IL4R: variants seen among roughly 807,000 people sequenced by gnomAD.
The protein encoded by IL4R is interleukin 4 receptor, also known as interleukin-4 receptor subunit alpha.
In IL4R, 17 loss-of-function variants were observed where a neutral mutation model predicts 41.5. The observed-to-expected ratio is 0.41, with a 90% CI of 0.28 to 0.61. The LOEUF (loss-of-function observed/expected upper bound fraction) is 0.61. IL4R is among the 20% of genes least tolerant of loss of function. The probability of loss-of-function intolerance (pLI) is 0.31; values close to 1 mark genes in which losing one functional copy is unlikely to be tolerated. For missense variants in IL4R, 974 were observed against 1,043.1 expected (o/e 0.93, Z 0.91); for synonymous variants, 402 against 422.9 (o/e 0.95, Z 0.61).
intron 2 of IL4R, among the ~76,000 whole-genome samples, chr16:27,337,149 T>G (rs763104089): frequency 2.0e-5 from 3 of 151,740 alleles, no homozygotes; most frequent in Non-Finnish European, 2.9e-5. Context: ...GTGGCAGGCG[T>G]AGGATGCATG....
chr16:27,319,857 T>G (rs766533955), intron 1 of IL4R, among the ~76,000 whole-genome samples: 34 of 152,052 alleles, frequency 2.2e-4, no homozygotes, highest in Admixed American at 7.2e-4. Context: ...ATGTGAGGGA[T>G]CTGGGTTGCG....
chr16:27,314,657 T>C (rs2084581400), intron 1 of IL4R, among the ~76,000 whole-genome samples: 3 of 152,072 alleles, frequency 2.0e-5, no homozygotes, highest in Admixed American at 2.0e-4. Context: ...GCCGCCCACT[T>C]GGGAGTCCGT....
intron 1 of IL4R, among the ~76,000 whole-genome samples, chr16:27,325,540 C>T (rs1302553194): frequency 6.6e-6 from 1 of 151,444 alleles, no homozygotes; most frequent in East Asian, 1.9e-4. Context: ...CACCATTGCA[C>T]TCCAGCCTGG....
chr16:27,355,624 G>A (rs534085464), intron 7 of IL4R, 184 bp from the exon 8 acceptor site: 159 of 542,940 alleles, frequency 2.9e-4, no homozygotes, highest in African/African-American at 2.5e-3. Flanking sequence ...TGAGGTGGCC[G>A]GTGTGACGAG....
At chr16:27,336,860 C>A (rs1350241669) in intron 2 of IL4R, among the ~76,000 whole-genome samples, 2 of 151,920 alleles carry the variant, frequency 1.3e-5, no homozygotes, top group Non-Finnish European at 2.9e-5. Flanking sequence ...AGGCGGATCA[C>A]CTGGGGTCGG....
At chr16:27,332,396 G>C (rs534551149) in intron 2 of IL4R, among the ~76,000 whole-genome samples, 2 of 152,198 alleles carry the variant, frequency 1.3e-5, no homozygotes, top group African/African-American at 4.8e-5. Flanking sequence ...CTCACTCACT[G>C]TCACGAAAAC....
intron 1 of IL4R, among the ~76,000 whole-genome samples, chr16:27,317,906 TC>T (rs1203087491): frequency 6.6e-6 from 1 of 152,238 alleles, no homozygotes; most frequent in East Asian, 1.9e-4. Flanking sequence ...CTTCTGCGTA[TC>T]CAGCACCTGG....
At chr16:27,355,682 T>A (rs1466362117) in intron 7 of IL4R, 126 bp from the exon 8 acceptor site, 1 of 623,162 alleles carries the variant, frequency 1.6e-6, no homozygotes, top group African/African-American at 1.8e-5. Context: ...GGTGGAGGGG[T>A]GGTCGGCGGT....
intron 6 of IL4R, among the ~76,000 whole-genome samples, chr16:27,347,581 C>T (rs1466757586): frequency 1.3e-5 from 2 of 152,192 alleles, no homozygotes; most frequent in South Asian, 2.1e-4. Flanking sequence ...TGGCAGGGGC[C>T]GTCCACAGTG....
chr16:27,356,503 T>C (rs2086085385), intron 8 of IL4R, among the ~76,000 whole-genome samples: 1 of 152,080 alleles, frequency 6.6e-6, no homozygotes, highest in East Asian at 1.9e-4. Context: ...TAGACCAGGG[T>C]GCAGGCCAGA....
At chr16:27,342,422 A>G (rs1219553659) in intron 4 of IL4R, among the ~76,000 whole-genome samples, 163 bp downstream of exon 4, 14 of 152,038 alleles carry the variant, frequency 9.2e-5, no homozygotes, top group Admixed American at 9.2e-4. Context: ...GGGACATGTT[A>G]TGTAAGATAC....
chr16:27,363,877 A>G lies in IL4R; in HGVS notation c.*47A>G. ...AGTCTGCAGATGAGGACTAGGGCTT[A>G]TCCATGCCTGGGAAATGCCACCTCC... On this transcript the variant is annotated 3_prime_UTR_variant, in exon 11 of 11. Transcript: ENST00000395762. 6.5e-7 allele frequency: 1 copy of G among 1,533,196 alleles called. No individual in the cohort carries two copies. The highest frequency in any genetic ancestry group is 8.7e-7 in the Non-Finnish European group (1 of 1,147,106). The allele number at this position is 1,533,196 out of a possible 1,614,324, so 95.0% of individuals were successfully genotyped here.
chr16:27,356,084 CTTTTTTTTTTTTTTTTTT>C (rs36125482), intron 8 of IL4R, among the ~76,000 whole-genome samples, 177 bp downstream of exon 8: 2,910 of 113,868 alleles, frequency 0.026, 145 homozygotes, highest in African/African-American at 0.092. Context: ...CCACTTTTTT[CTTTTTTTTTTTTTTTTTT>C]TTTTTTTGAG....
intron 1 of IL4R, among the ~76,000 whole-genome samples, chr16:27,318,095 A>G (rs1257588467): frequency 6.6e-6 from 1 of 152,194 alleles, no homozygotes; most frequent in African/African-American, 2.4e-5. Context: ...ACGATTTCTG[A>G]AAACCGAAAG....
intron 1 of IL4R, among the ~76,000 whole-genome samples, chr16:27,321,586 CATG>C (rs1168366019): frequency 6.6e-6 from 1 of 152,208 alleles, no homozygotes; most frequent in Non-Finnish European, 1.5e-5. Flanking sequence ...CTAAAATCTC[CATG>C]TTTCTCTTCT....
chr16:27,362,976 G>C lies in IL4R; in HGVS notation c.1624G>C (p.Val542Leu), dbSNP rs1257672442. The change falls in exon 11 of 11, where the codon GTG (valine) becomes CTG (leucine). Residue 542 changes from valine (V) to leucine (L), a missense_variant. By Grantham distance (32) the Val-to-Leu change is conservative. Around this residue, in one of 3 missense-constraint regions of IL4R, gnomAD observed 682 missense variants for 704.3 expected, o/e 0.97. Coordinates refer to ENST00000395762, the MANE Select transcript of IL4R (RefSeq NM_000418.4). ...CVPQLSEPTT[V>L]PQPEPETWEQ... ...CCCCCAGCTCTCTGAGCCAACCACT[G>C]TGCCCCAACCTGAGCCAGAAACCTG... 6.2e-7 allele frequency: 1 copy of C among 1,614,116 alleles called. No homozygotes were observed. Among genetic ancestry groups the C allele is most frequent in the Non-Finnish European group, 8.5e-7 (1 of 1,180,022 alleles).
intron 8 of IL4R, among the ~76,000 whole-genome samples, chr16:27,358,620 T>A (rs2086177333): frequency 6.6e-6 from 1 of 152,198 alleles, no homozygotes; most frequent in Non-Finnish European, 1.5e-5. Context: ...AGGACATAGG[T>A]GGCCTCCTCA....
chr16:27,364,099 T>A lies in IL4R; in HGVS notation c.*269T>A. ...CCACGGCAGGCCCCTGCAGGAAAAC[T>A]GAGGCCCTTGGGCACCTCGACTTGT... On this transcript the variant is annotated 3_prime_UTR_variant, in exon 11 of 11. Coordinates refer to ENST00000395762, the MANE Select transcript of IL4R (RefSeq NM_000418.4). 2.3e-6 allele frequency: 1 copy of A among 433,350 alleles called. No homozygotes were observed. Among genetic ancestry groups the A allele is most frequent in the Non-Finnish European group, 4.1e-6 (1 of 242,750 alleles). 26.8% of individuals were successfully genotyped at this position (433,350 alleles called of 1,614,324 possible).
At position 27,360,813 on chromosome 16, in the gene IL4R, C is replaced by T; in HGVS notation, c.897C>T (p.Cys299=). 2.5e-6 allele frequency: 4 copies of T among 1,614,100 alleles called. 1 individual carries two copies. In the South Asian group the frequency reaches 3.3e-5, roughly 13 times the overall value. ...CCCGAGGCCAGGAACCAGCCAAGTG[C>T]CCGTATGTATCTGAACTTAGGTCAC... ...KRSRGQEPAK[C]PHWKNCLTKL... Residue 299 remains cysteine, a splice_region_variant and synonymous_variant, in exon 10 of 11, where the codon TGC becomes TGT. Coordinates refer to ENST00000395762, the MANE Select transcript of IL4R (RefSeq NM_000418.4).
Sources: allele counts gnomAD v4.1 joint callset (sites outside exome capture counted in the v4.1 genomes callset), GRCh38; gene constraint gnomAD v4.1.1; regional missense constraint gnomAD v4.1.1; transcripts MANE v1.5; gene names NCBI Gene and HGNC (gene_info 2026-07-23, HGNC 2026-07-21).